AGO2: variants seen among roughly 807,000 people sequenced by gnomAD.
The protein encoded by AGO2 is argonaute RISC catalytic component 2, also known as protein argonaute-2.
A neutral mutation model predicts 102.3 loss-of-function variants in AGO2; 5 were observed. The observed-to-expected ratio is 0.05, with a 90% confidence interval of 0.03 to 0.10. The LOEUF is 0.10. AGO2 is among the 10% of genes least tolerant of loss of function. The pLI, the probability that AGO2 is intolerant of heterozygous loss-of-function variation, is 1.00. For synonymous variants in AGO2, 449 were observed against 473.1 expected (o/e 0.95, Z 0.66); for missense variants, 541 against 1,183.7 (o/e 0.46, Z 7.97).
At chr8:140,559,747 A>G (rs1317864470) in intron 5 of AGO2, among the ~76,000 whole-genome samples, 3 of 152,244 alleles carry the variant, frequency 2.0e-5, no homozygotes, top group South Asian at 2.1e-4. Flanking sequence ...TCAGGGTGAC[A>G]GAAAGGAGCT....
rs546738134 is a variant in AGO2, at chr8:140,525,807, G to A, written c.*6237C>T. 6.6e-6 allele frequency: 1 copy of A among 152,316 alleles called. No individual in the cohort carries two copies. Among genetic ancestry groups the A allele is most frequent in the Admixed American group, 6.5e-5 (1 of 15,278 alleles). The allele number at this position is 152,316 out of a possible 1,614,324, so 9.4% of individuals were successfully genotyped here. Reference sequence around the variant, plus strand: ...ATGGAACCCAAAGAAAGAAGCGAAGGAGGCCCCGGGCCCACAGCACAGTGT... The same window carrying A: ...ATGGAACCCAAAGAAAGAAGCGAAGAAGGCCCCGGGCCCACAGCACAGTGT... On this transcript the variant is annotated 3_prime_UTR_variant, in exon 19 of 19. Transcript: ENST00000220592.
At chr8:140,563,304 C>T (rs2073232250) in intron 3 of AGO2, among the ~76,000 whole-genome samples, 1 of 152,218 alleles carries the variant, frequency 6.6e-6, no homozygotes, top group Non-Finnish European at 1.5e-5. Flanking sequence ...AGTATTGGCT[C>T]ACTTCGACCT....
At position 140,589,662 on chromosome 8, in the gene AGO2, A is replaced by G. The variant is rs2073718141; in HGVS notation, c.23-4351T>C. ...AAACGTGCAGGCCAAAGAAAGTGAGAAGGATAGCTCAGGGCTGCTAAACAC... is the reference window on the plus strand; with the variant it reads ...AAACGTGCAGGCCAAAGAAAGTGAGGAGGATAGCTCAGGGCTGCTAAACAC... On this transcript the variant is annotated intron_variant, in intron 1 of 18. Coordinates refer to ENST00000220592, the MANE Select transcript of AGO2 (RefSeq NM_012154.5). This position sits in a 1 kb window ranked among gnomAD's most constrained non-coding sequence, Gnocchi z 4.2. 6.6e-6 allele frequency among the ~76,000 whole-genome samples: 1 copy of G among 152,140 alleles called. No individual in the cohort carries two copies. Among genetic ancestry groups the G allele is most frequent in the African/African-American group, 2.4e-5 (1 of 41,430 alleles).
intron 3 of AGO2, among the ~76,000 whole-genome samples, chr8:140,569,424 C>T (rs1408552575): frequency 1.3e-5 from 2 of 152,220 alleles, no homozygotes; most frequent in East Asian, 1.9e-4. Context: ...CATCTTCCAC[C>T]ACCCAAATCC....
At chr8:140,614,810 C>A (rs2074120394) in intron 1 of AGO2, among the ~76,000 whole-genome samples, 1 of 152,244 alleles carries the variant, frequency 6.6e-6, no homozygotes, top group Non-Finnish European at 1.5e-5. Context: ...CGCCTAAAGC[C>A]CTTTGCAAGC....
rs2073086755 is a variant in AGO2, at chr8:140,555,889, C to T, written c.1269+7G>A. On this transcript the variant is annotated splice_region_variant and intron_variant, in intron 10 of 18. Transcript: ENST00000220592. Reference sequence around the variant, plus strand: ...CAGCCACACGTTCCCCGCCGCCCCACACGTACCCTGCCCCCGTAGAGGATG... The same window carrying T: ...CAGCCACACGTTCCCCGCCGCCCCATACGTACCCTGCCCCCGTAGAGGATG... The T allele has an allele frequency of 6.2e-7, 1 of 1,612,712 alleles. No individual in the cohort carries two copies. Among genetic ancestry groups the T allele is most frequent in the African/African-American group, 1.3e-5 (1 of 74,926 alleles).
At chr8:140,581,210 C>G (rs2073551834) in intron 2 of AGO2, among the ~76,000 whole-genome samples, 1 of 152,238 alleles carries the variant, frequency 6.6e-6, no homozygotes, top group Non-Finnish European at 1.5e-5. Flanking sequence ...TGAGACCAGC[C>G]TGGGCAACAT....
Position 140,555,958 on chromosome 8 carries a change from C to T in AGO2, c.1207G>A (p.Asp403Asn). 3.1e-6 allele frequency: 5 copies of T among 1,614,226 alleles called. No homozygotes were observed. The highest frequency in any genetic ancestry group is 1.1e-5 in the South Asian group (1 of 91,082). ...CGCCCAGTCACGTCTGTCATCTCATCTTTGACCATGATTCCAAATTCACGG... is the reference window on the plus strand; with the variant it reads ...CGCCCAGTCACGTCTGTCATCTCATTTTTGACCATGATTCCAAATTCACGG... Reference protein sequence around the residue: ...YVREFGIMVKDEMTDVTGRVL... With the variant: ...YVREFGIMVKNEMTDVTGRVL... Residue 403 changes from aspartate to asparagine, a missense_variant, in exon 10 of 19, where the codon GAT becomes AAT. Asp to Asn is a conservative substitution (Grantham distance 23). Transcript: ENST00000220592.
In AGO2 at chr8:140,557,613, G is replaced by A. The variant is rs79445170; in HGVS notation, c.879-377C>T. Among the ~76,000 whole-genome samples the A allele has an allele frequency of 0.037, 5,650 of 152,290 alleles. 138 individuals are homozygous for A. The highest frequency in any genetic ancestry group is 0.065 in the African/African-American group (2,716 of 41,544). ...CGCGCTCCCGGTGCCCAGAAGGCCT[G>A]AAGCCCCCAGGACAGGACGAGGAAA... On this transcript the variant is annotated intron_variant, in intron 7 of 18. Coordinates refer to ENST00000220592, the MANE Select transcript of AGO2 (RefSeq NM_012154.5). This position sits in a 1 kb window ranked among gnomAD's most constrained non-coding sequence, Gnocchi z 5.9.
intron 1 of AGO2, among the ~76,000 whole-genome samples, chr8:140,595,892 TA>T (rs1335182140): frequency 8.2e-6 from 1 of 121,882 alleles, no homozygotes; most frequent in Non-Finnish European, 1.6e-5. Context: ...TATATAATTA[TA>T]TATATTATGT....
At chr8:140,633,269 C>A (rs1367822121) in intron 1 of AGO2, among the ~76,000 whole-genome samples, 5 of 152,050 alleles carry the variant, frequency 3.3e-5, no homozygotes, top group African/African-American at 1.2e-4. Context: ...CCAAAAATTC[C>A]TTTTACACAA....
chr8:140,559,423 T>G lies in AGO2; in HGVS notation c.762A>C (p.Gln254His). ...EEQQKPLTDS[Q>H]RVKFTKEIKG... The stretch of plus-strand genomic sequence containing the variant: ...TAATTTCTTTGGTAAACTTTACCCT[T>G]TGGGAATCTGTCAGAGGTTTTTGTT... The change falls in exon 6 of 19, where the codon CAA (glutamine) becomes CAC (histidine). Residue 254 changes from glutamine (Q) to histidine (H), a missense_variant. Around this residue, in one of 6 missense-constraint regions of AGO2, gnomAD observed 21 missense variants for 105.0 expected, o/e 0.20. Coordinates refer to ENST00000220592, the MANE Select transcript of AGO2 (RefSeq NM_012154.5). 1 of 1,614,220 alleles carries G rather than the reference T, an allele frequency of 6.2e-7. No homozygotes were observed. Among genetic ancestry groups the G allele is most frequent in the Non-Finnish European group, 8.5e-7 (1 of 1,180,028 alleles).
chr8:140,548,762 G>A (rs1438254400), intron 12 of AGO2, among the ~76,000 whole-genome samples: 4 of 152,196 alleles, frequency 2.6e-5, no homozygotes, highest in East Asian at 3.8e-4. Context: ...GCTGAGTCCC[G>A]GGCAGGAGGT....
intron 1 of AGO2, among the ~76,000 whole-genome samples, chr8:140,614,248 C>T (rs556892512): frequency 2.0e-5 from 3 of 152,066 alleles, no homozygotes; most frequent in South Asian, 2.1e-4. Context: ...TGCTTGAAAC[C>T]GGGAGGTAGA....
chr8:140,616,523 TATA>T (rs1448669581), intron 1 of AGO2, among the ~76,000 whole-genome samples: 2 of 151,066 alleles, frequency 1.3e-5, no homozygotes, highest in African/African-American at 4.9e-5. Flanking sequence ...ATAACTAAAT[TATA>T]ATAAAATACA....
At chr8:140,581,519 T>TA (rs1026243050) in intron 2 of AGO2, among the ~76,000 whole-genome samples, 181 of 144,238 alleles carry the variant, frequency 1.3e-3, no homozygotes, top group African/African-American at 1.5e-3. Flanking sequence ...ATCCTGTCTC[T>TA]AAAAAAAAAA....
At chr8:140,555,808 C>T (rs930741432) in intron 10 of AGO2, 88 bp downstream of exon 10, 11 of 1,499,676 alleles carry the variant, frequency 7.3e-6, no homozygotes, top group Non-Finnish European at 9.8e-6. Flanking sequence ...ACACAGTCTA[C>T]ACCGCGGGCG....
Position 140,572,800 on chromosome 8 carries a change from C to T in AGO2, c.336+12G>A, listed in dbSNP as rs769318906. 7 of 1,607,596 alleles carry T rather than the reference C, an allele frequency of 4.4e-6. No homozygotes were observed. The highest frequency in any genetic ancestry group is 2.2e-5 in the South Asian group (2 of 89,326). Reference sequence around the variant, plus strand: ...GTATGTTACTCCACCAAGGGCATCCCGGCGAGCTTACCTTGTCCCTCCCAA... The same window carrying T: ...GTATGTTACTCCACCAAGGGCATCCTGGCGAGCTTACCTTGTCCCTCCCAA... On this transcript the variant is annotated intron_variant, in intron 3 of 18. Transcript: ENST00000220592.
chr8:140,577,225 AAAAG>A (rs1220600566), intron 2 of AGO2, among the ~76,000 whole-genome samples: 1 of 151,378 alleles, frequency 6.6e-6, no homozygotes, highest in East Asian at 1.9e-4. Context: ...AAAAAAAAAA[AAAAG>A]AAACATGCCT....
Sources: allele counts gnomAD v4.1 joint callset (sites outside exome capture counted in the v4.1 genomes callset), GRCh38; gene constraint gnomAD v4.1.1; regional missense constraint gnomAD v4.1.1; non-coding constraint Gnocchi (gnomAD v3.1); transcripts MANE v1.5; gene names NCBI Gene and HGNC (gene_info 2026-07-23, HGNC 2026-07-21).